Variants in TPCN2 observed in about 807,000 individuals in gnomAD.
TPCN2 encodes two pore channel protein 2.
A neutral mutation model predicts 111.4 loss-of-function variants in TPCN2; 92 were observed. The observed-to-expected ratio is 0.83, with a 90% CI of 0.70 to 0.98. The LOEUF (loss-of-function observed/expected upper bound fraction) is 0.98, where lower values mean the gene tolerates loss of function less well. TPCN2 is among the 50% of genes least tolerant of loss of function. TPCN2 has a pLI of 0.00. For synonymous variants in TPCN2, 405 were observed against 414.5 expected, an observed-to-expected ratio of 0.98 and a Z score of 0.28; for missense variants, 995 against 980.1, an observed-to-expected ratio of 1.02 and a Z score of -0.20.
intron 5 of TPCN2, among the ~76,000 whole-genome samples, chr11:69,058,301 C>A (rs999908138): frequency 6.6e-6 from 1 of 152,148 alleles, no homozygotes; most frequent in Non-Finnish European, 1.5e-5. Flanking sequence ...AAACAGGCTC[C>A]GAGAAACCAA....
chr11:69,050,028 CCT>C (rs1164489085), intron 1 of TPCN2, among the ~76,000 whole-genome samples: 1 of 152,214 alleles, frequency 6.6e-6, no homozygotes, highest in Admixed American at 6.5e-5. Flanking sequence ...CTTCTTTCCT[CCT>C]CTGTCTGGAA....
intron 13 of TPCN2, among the ~76,000 whole-genome samples, chr11:69,075,478 G>A (rs536838914): frequency 4.6e-5 from 7 of 152,330 alleles, no homozygotes; most frequent in South Asian, 2.1e-4. Context: ...TACATGCTCC[G>A]TACAGATGCT....
chr11:69,075,050 G>A (rs1254852059), intron 13 of TPCN2, among the ~76,000 whole-genome samples: 2 of 152,242 alleles, frequency 1.3e-5, no homozygotes, highest in Non-Finnish European at 2.9e-5. Flanking sequence ...GCTTGTGTGC[G>A]CACAGGAGTG....
Position 69,078,736 on chromosome 11 carries a change from G to C in TPCN2, c.1353G>C (p.Val451=), listed in dbSNP as rs1349671607. ...IALANLVSIC[V]FLVLDADVLP... is the part of the protein sequence containing the mutation. ...AGCCCTCTGTTCTGGCGTTGCAGGT[G>C]TTCCTGGTGCTGGATGCAGATGTGC... Residue 451 remains valine, a splice_region_variant and synonymous_variant, in exon 15 of 25, where the codon GTG becomes GTC. Transcript: ENST00000294309. 1.2e-6 allele frequency: 2 copies of C among 1,613,830 alleles called. No individual in the cohort carries two copies. Among genetic ancestry groups the C allele is most frequent in the Non-Finnish European group, 1.7e-6 (2 of 1,180,050 alleles).
At position 69,051,731 on chromosome 11, in the gene TPCN2, C is replaced by T. The variant is rs151261522; in HGVS notation, c.110-2302C>T. Reference sequence around the variant, plus strand: ...GTCCCCCAGGGTGATGAGCTCAGGGCGGGGCGAGCTGTCCCAAGGGAGTCC... The same window carrying T: ...GTCCCCCAGGGTGATGAGCTCAGGGTGGGGCGAGCTGTCCCAAGGGAGTCC... On this transcript the variant is annotated intron_variant, in intron 1 of 24. Transcript: ENST00000294309. 2.1e-3 allele frequency among the ~76,000 whole-genome samples: 319 copies of T among 152,278 alleles called. 6 individuals carry two copies. The East Asian group carries it at 0.045, about 21-fold the overall frequency.
rs139406325 is a variant in TPCN2, at chr11:69,066,482, C to T, written c.727-1021C>T. 2.6e-3 allele frequency among the ~76,000 whole-genome samples: 402 copies of T among 152,314 alleles called. 3 individuals carry two copies. The highest frequency in any genetic ancestry group is 4.8e-3 in the Non-Finnish European group (325 of 68,020). ...TGTGGAGTCTTCACCAATTAGCTCA[C>T]GTGTCCTTGGGAGCCCCTGACTGGA... On this transcript the variant is annotated intron_variant, in intron 7 of 24. Coordinates refer to ENST00000294309, the MANE Select transcript of TPCN2 (RefSeq NM_139075.4).
intron 10 of TPCN2, 118 bp downstream of exon 10, chr11:69,071,538 G>GCAGGGTTGCCACCT: frequency 1.1e-6 from 1 of 892,620 alleles, no homozygotes; most frequent in Non-Finnish European, 1.8e-6. Flanking sequence ...GGACGGGAGG[G>GCAGGGTTGCCACCT]CAGGGTTGCC....
At chr11:69,082,899 G>T (rs7118834) in intron 18 of TPCN2, among the ~76,000 whole-genome samples, 3 of 60,282 alleles carry the variant, frequency 5.0e-5, no homozygotes, top group Non-Finnish European at 1.1e-4. Context: ...CACACATCGC[G>T]TGCAGATATC....
At chr11:69,071,645 G>A (rs112550476) in intron 10 of TPCN2, among the ~76,000 whole-genome samples, 1,986 of 152,346 alleles carry the variant, frequency 0.013, 45 homozygotes, top group African/African-American at 0.045. Context: ...ACCCTCTTGA[G>A]GGGGAGCTGG....
chr11:69,087,015 G>C (rs940025971), intron 23 of TPCN2, 97 bp from the exon 24 acceptor site: 3 of 1,015,586 alleles, frequency 3.0e-6, no homozygotes, highest in Non-Finnish European at 4.5e-6. Flanking sequence ...AGCCCCCTCA[G>C]CGGGTGCCCT....
chr11:69,076,927 A>C (rs1277761876), intron 13 of TPCN2, among the ~76,000 whole-genome samples: 16 of 38,082 alleles, frequency 4.2e-4, no homozygotes, highest in Admixed American at 2.8e-3. Context: ...CCCTCCTGCC[A>C]TGCCCCTCCA....
At chr11:69,081,916 C>T (rs1345053751) in intron 18 of TPCN2, among the ~76,000 whole-genome samples, 1 of 152,112 alleles carries the variant, frequency 6.6e-6, no homozygotes, top group Non-Finnish European at 1.5e-5. Flanking sequence ...CTAATGCGGG[C>T]GCAGGTGGCT....
intron 11 of TPCN2, among the ~76,000 whole-genome samples, chr11:69,072,338 G>T (rs1855574507): frequency 6.6e-6 from 1 of 152,162 alleles, no homozygotes; most frequent in Non-Finnish European, 1.5e-5. Context: ...GAGGTGCGTG[G>T]GCCAGGTGTC....
Position 69,070,515 on chromosome 11 carries a change from C to T in TPCN2, c.895+20C>T, listed in dbSNP as rs958253258. 4.5e-5 allele frequency: 71 copies of T among 1,580,408 alleles called. No individual in the cohort carries two copies. Among genetic ancestry groups the T allele is most frequent in the Non-Finnish European group, 5.9e-5 (69 of 1,164,200 alleles). The stretch of plus-strand genomic sequence containing the variant: ...TGATAGGTGAGTGCAGGTAACGTGG[C>T]CAGCATTTTGTGACAGGATCCCGAG... On this transcript the variant is annotated intron_variant, in intron 9 of 24. Transcript: ENST00000294309.
At position 69,055,620 on chromosome 11, in the gene TPCN2, C is replaced by T. The variant is rs555917116; in HGVS notation, c.429+268C>T. 8.3e-3 allele frequency among the ~76,000 whole-genome samples: 1,245 copies of T among 150,226 alleles called. 51 individuals are homozygous for T. Among genetic ancestry groups the T allele is most frequent in the African/African-American group, 0.029 (1,159 of 40,130 alleles). On this transcript the variant is annotated intron_variant, in intron 4 of 24. Coordinates refer to ENST00000294309, the MANE Select transcript of TPCN2 (RefSeq NM_139075.4). Reference sequence around the variant, plus strand: ...ACCATGCAAACTGAGGCCAGTGTGCCGTCAGCTCTCCTCCCTCTCCACCAT... The same window carrying T: ...ACCATGCAAACTGAGGCCAGTGTGCTGTCAGCTCTCCTCCCTCTCCACCAT...
At chr11:69,055,066 G>A in intron 3 of TPCN2, 109 bp from the exon 4 acceptor site, 1 of 1,221,682 alleles carries the variant, frequency 8.2e-7, no homozygotes, top group South Asian at 1.4e-5. Flanking sequence ...GAGTGTCCAC[G>A]CTCAGGCAGC....
chr11:69,078,792 G>A lies in TPCN2; in HGVS notation c.1409G>A (p.Gly470Glu), dbSNP rs767835942. 1.9e-6 allele frequency: 3 copies of A among 1,614,094 alleles called. No individual in the cohort carries two copies. The highest frequency in any genetic ancestry group is 2.2e-5 in the South Asian group (2 of 91,090). Residue 470 changes from glycine (G) to glutamate (E), a missense_variant and splice_region_variant, in exon 15 of 25, where the codon GGG (glycine) becomes GAG (glutamate). Gly to Glu is a moderately conservative substitution (Grantham distance 98). Coordinates refer to ENST00000294309, the MANE Select transcript of TPCN2 (RefSeq NM_139075.4). ...LPAERDDFIL[G>E]ILNCVFIVYY... ...GCTGAGCGTGATGACTTCATCCTGG[G>A]GGTAAGTTCTGAGCTGTCCACCTGT...
Position 69,085,217 on chromosome 11 carries a change from A to G in TPCN2, c.1769A>G (p.Tyr590Cys), listed in dbSNP as rs2134643150. The change falls in exon 20 of 25, where the codon TAC becomes TGC. Residue 590 changes from tyrosine (Y) to cysteine (C), a missense_variant. Physicochemically the swap from Tyr to Cys is radical, Grantham distance 194. Coordinates refer to ENST00000294309, the MANE Select transcript of TPCN2 (RefSeq NM_139075.4). Reference sequence around the variant, plus strand: ...CGGCTCCTGGCCCGCCAGGTGGTCTACTACGTATTTGCCATCATTGGGATC... The same window carrying G: ...CGGCTCCTGGCCCGCCAGGTGGTCTGCTACGTATTTGCCATCATTGGGATC... ...RAFGGILVVV[Y>C]YVFAIIGINL... The G allele has an allele frequency of 1.9e-6, 3 of 1,613,892 alleles. No homozygotes were observed. Among genetic ancestry groups the G allele is most frequent in the East Asian group, 2.2e-5 (1 of 44,834 alleles).
chr11:69,081,993 G>A (rs1362615533), intron 18 of TPCN2, among the ~76,000 whole-genome samples: 1 of 152,126 alleles, frequency 6.6e-6, no homozygotes, highest in Non-Finnish European at 1.5e-5. Flanking sequence ...CCTTAAAGGG[G>A]CAGGCAGGCA....
Sources: gnomAD v4.1 joint callset for allele counts (sites outside exome capture counted in the v4.1 genomes callset) on GRCh38, gnomAD v4.1.1 for gene constraint, MANE v1.5 for transcripts, NCBI Gene and HGNC (gene_info 2026-07-23, HGNC 2026-07-21) for gene names.